The following ATP6V1H variants were observed in gnomAD, a reference collection of about 807,000 sequenced individuals.
ATP6V1H encodes V-type proton ATPase subunit H.
A neutral mutation model predicts 71.7 loss-of-function variants in ATP6V1H; 39 were observed. That is an observed-to-expected ratio of 0.54 (90% confidence interval 0.42 to 0.71). ATP6V1H has a LOEUF of 0.71. Among genes scored for constraint, ATP6V1H ranks in the 30% least tolerant of loss-of-function variants. The pLI is 0.00. For synonymous variants in ATP6V1H, 192 were observed against 199.3 expected (o/e 0.96, Z 0.31); for missense variants, 509 against 594.9 (o/e 0.86, Z 1.50).
In ATP6V1H at chr8:53,715,673, GGAGT is replaced by G. The variant is rs1461115570; in HGVS notation, c.*287_*290del. On this transcript the variant is annotated 3_prime_UTR_variant, in exon 14 of 14. Transcript: ENST00000359530. ...CCAAGTAAAGAGAGAGGCCATGTTT[GGAGT>G]GAGAATCCTTTAATAACTATATTTA... 3 of 292,424 alleles carry G rather than the reference GGAGT, an allele frequency of 1.0e-5. No individual in the cohort carries two copies. The highest frequency in any genetic ancestry group is 2.2e-5 in the African/African-American group (1 of 46,110). 18.1% of individuals were successfully genotyped at this position (292,424 alleles called of 1,614,324 possible).
chr8:53,755,883 A>G (rs1368528999), intron 12 of ATP6V1H, among the ~76,000 whole-genome samples: 7 of 111,688 alleles, frequency 6.3e-5, no homozygotes, highest in South Asian at 3.3e-4. Flanking sequence ...TCAGCCTCCC[A>G]AGTAGCTGGG....
chr8:53,808,317 C>T (rs542938514), intron 7 of ATP6V1H, among the ~76,000 whole-genome samples: 1 of 152,336 alleles, frequency 6.6e-6, no homozygotes, highest in East Asian at 1.9e-4. Flanking sequence ...CGCTGTCCTG[C>T]CTTCCTCAGA....
At chr8:53,749,669 TG>T (rs1177089997) in intron 12 of ATP6V1H, among the ~76,000 whole-genome samples, 2 of 150,706 alleles carry the variant, frequency 1.3e-5, no homozygotes, top group Non-Finnish European at 2.9e-5. Flanking sequence ...TCTTCTATAA[TG>T]GGAGGGATTA....
rs192212845 is a variant in ATP6V1H, at chr8:53,780,409, G to A, written c.871-8242C>T. On this transcript the variant is annotated intron_variant, in intron 9 of 13. Coordinates refer to ENST00000359530, the MANE Select transcript of ATP6V1H (RefSeq NM_015941.4). ...TGTTCTCATTTCATTGTGTCATCTT[G>A]CTATAAAAAATGAAAAGAAGGAATG... Among the ~76,000 whole-genome samples the A allele has an allele frequency of 2.2e-3, 339 of 151,904 alleles. 2 individuals are homozygous for A. The highest frequency in any genetic ancestry group is 7.9e-3 in the African/African-American group (328 of 41,400).
At chr8:53,813,070 CAT>C (rs1313998009) in intron 6 of ATP6V1H, among the ~76,000 whole-genome samples, 3 of 152,182 alleles carry the variant, frequency 2.0e-5, no homozygotes, top group Non-Finnish European at 4.4e-5. Context: ...ATTTAACTAA[CAT>C]TCTGATCCCA....
At chr8:53,834,724 C>T (rs1811106582) in intron 2 of ATP6V1H, among the ~76,000 whole-genome samples, 1 of 152,058 alleles carries the variant, frequency 6.6e-6, no homozygotes, top group South Asian at 2.1e-4. Context: ...GCGCCTGGCC[C>T]CAATATAGTT....
chr8:53,830,057 A>G (rs1284181677), intron 3 of ATP6V1H, among the ~76,000 whole-genome samples: 2 of 152,164 alleles, frequency 1.3e-5, no homozygotes, highest in Non-Finnish European at 2.9e-5. Context: ...AATCAGACCA[A>G]TTTGTATATG....
chr8:53,716,233 C>T (rs1269960669), intron 13 of ATP6V1H, among the ~76,000 whole-genome samples: 1 of 152,174 alleles, frequency 6.6e-6, no homozygotes, highest in Non-Finnish European at 1.5e-5. Context: ...CAAGTTATGA[C>T]AAAGACAAAC....
At chr8:53,814,262 T>C (rs1012842866) in intron 6 of ATP6V1H, among the ~76,000 whole-genome samples, 3 of 152,112 alleles carry the variant, frequency 2.0e-5, no homozygotes, top group Admixed American at 1.3e-4. Flanking sequence ...CGCCTGGAAA[T>C]CTCTCGGCCC....
intron 11 of ATP6V1H, among the ~76,000 whole-genome samples, chr8:53,766,207 A>G (rs968621128): frequency 3.9e-5 from 6 of 152,234 alleles, no homozygotes; most frequent in Non-Finnish European, 7.3e-5. Flanking sequence ...TTTTATGGAC[A>G]TTTATTAGTT....
At chr8:53,732,963 G>A (rs919850996) in intron 13 of ATP6V1H, among the ~76,000 whole-genome samples, 1 of 152,164 alleles carries the variant, frequency 6.6e-6, no homozygotes, top group Non-Finnish European at 1.5e-5. Context: ...GGCCGTGCTC[G>A]AGCTATGCAA....
intron 12 of ATP6V1H, among the ~76,000 whole-genome samples, chr8:53,755,627 C>A (rs1807985165): frequency 8.1e-6 from 1 of 123,268 alleles, no homozygotes; most frequent in Non-Finnish European, 1.6e-5. Context: ...AAAATGGCTA[C>A]CAAATCATTA....
intron 12 of ATP6V1H, among the ~76,000 whole-genome samples, chr8:53,748,106 C>T (rs1347227604): frequency 1.3e-5 from 2 of 151,338 alleles, no homozygotes; most frequent in South Asian, 2.1e-4. Context: ...TGCAGTGAGC[C>T]GAGATCACGC....
intron 9 of ATP6V1H, among the ~76,000 whole-genome samples, chr8:53,791,582 G>T (rs1364327123): frequency 6.6e-6 from 1 of 152,178 alleles, no homozygotes; most frequent in Non-Finnish European, 1.5e-5. Context: ...GATTCCAGAA[G>T]ATTCTTTCTT....
chr8:53,842,770 C>G (rs1181072783), intron 1 of ATP6V1H: 1 of 152,334 alleles, frequency 6.6e-6, no homozygotes, highest in Non-Finnish European at 1.5e-5. Flanking sequence ...TGGCCCAGTC[C>G]TGGAGAAGGT....
chr8:53,760,407 G>A (rs947124042), intron 11 of ATP6V1H, among the ~76,000 whole-genome samples: 2 of 152,186 alleles, frequency 1.3e-5, no homozygotes, highest in Non-Finnish European at 2.9e-5. Flanking sequence ...ATCGAGGGAA[G>A]AGAAATGGAA....
intron 11 of ATP6V1H, among the ~76,000 whole-genome samples, chr8:53,768,339 C>T (rs78456428): frequency 1.3e-5 from 2 of 152,084 alleles, no homozygotes; most frequent in African/African-American, 4.8e-5. Flanking sequence ...TTGGTGGGAA[C>T]AGAAAATTGT....
At chr8:53,755,079 C>T (rs946067733) in intron 12 of ATP6V1H, among the ~76,000 whole-genome samples, 2 of 152,140 alleles carry the variant, frequency 1.3e-5, no homozygotes, top group Non-Finnish European at 2.9e-5. Context: ...AGAGCTGCCT[C>T]GCAGTGGGTG....
intron 12 of ATP6V1H, among the ~76,000 whole-genome samples, chr8:53,748,334 G>A (rs1201096294): frequency 6.6e-6 from 1 of 152,168 alleles, no homozygotes; most frequent in East Asian, 1.9e-4. Context: ...AAAAGGTGGT[G>A]TAAATGGTAT....
Sources: gnomAD v4.1 joint callset for allele counts (sites outside exome capture counted in the v4.1 genomes callset) on GRCh38, gnomAD v4.1.1 for gene constraint, MANE v1.5 for transcripts, NCBI Gene and HGNC (gene_info 2026-07-23, HGNC 2026-07-21) for gene names.